The following MYH11 variants were observed in gnomAD, a reference collection of about 807,000 sequenced individuals.
The protein encoded by MYH11 is myosin-11.
A neutral mutation model predicts 246.6 loss-of-function variants in MYH11; 80 were observed. The ratio of observed to expected loss-of-function variants is 0.32; its 90% CI spans 0.27 to 0.39. The LOEUF (loss-of-function observed/expected upper bound fraction) is 0.39, where lower values mean the gene tolerates loss of function less well. Ranked by LOEUF, MYH11 falls within the 10% of genes least tolerant of loss-of-function variation. The pLI, the probability that MYH11 is intolerant of heterozygous loss-of-function variation, is 1.00. For missense variants in MYH11, 2,158 were observed against 2,546.8 expected, an observed-to-expected ratio of 0.85 and a Z score of 3.29; for synonymous variants, 1,071 against 1,015.5, an observed-to-expected ratio of 1.05 and a Z score of -1.04.
intron 20 of MYH11, among the ~76,000 whole-genome samples, chr16:15,744,545 C>T (rs901899659): frequency 1.3e-5 from 2 of 149,526 alleles, no homozygotes; most frequent in Admixed American, 6.7e-5. Flanking sequence ...CAATCTTTCA[C>T]CCAGGCTGGA....
At position 15,717,131 on chromosome 16, in the gene MYH11, C is replaced by A. The variant is rs1391739007; in HGVS notation, c.5504+9G>T. ...TGCAAACTGGGTTCGGAACTCCACA[C>A]CCGCATACCTGGCCTCCTGCTCGAC... On this transcript the variant is annotated intron_variant, in intron 38 of 40. Transcript: ENST00000300036. 6.2e-7 allele frequency: 1 copy of A among 1,614,160 alleles called. No individual in the cohort carries two copies. Among genetic ancestry groups the A allele is most frequent in the Non-Finnish European group, 8.5e-7 (1 of 1,179,984 alleles).
intron 31 of MYH11, among the ~76,000 whole-genome samples, chr16:15,722,632 T>C (rs1369695390): frequency 2.0e-5 from 3 of 152,112 alleles, no homozygotes; most frequent in Non-Finnish European, 2.9e-5. Flanking sequence ...AGGTAGCTGA[T>C]GGGAAGAGGA....
In MYH11 at chr16:15,760,433, A is replaced by G. The variant is rs1033823952; in HGVS notation, c.1248+107T>C. ...GGATGGACAGATGCAGAGGCAGACC[A>G]TGGGTGAATGGATTAATGAATACAT... On this transcript the variant is annotated intron_variant, in intron 11 of 40. Transcript: ENST00000300036. The G allele has an allele frequency of 3.3e-6, 3 of 902,160 alleles. No homozygotes were observed. The South Asian group carries it at 3.9e-5, about 12-fold the overall frequency. The allele number at this position is 902,160 out of a possible 1,614,324, so 55.9% of individuals were successfully genotyped here. A position where few individuals can be genotyped will look rare whatever the true frequency, so the allele number is the denominator to read the frequency against.
At chr16:15,743,835 G>A (rs1412242291) in intron 20 of MYH11, among the ~76,000 whole-genome samples, 1 of 152,160 alleles carries the variant, frequency 6.6e-6, no homozygotes, top group Non-Finnish European at 1.5e-5. Context: ...CCTTGCACCA[G>A]TGGATACACT....
In MYH11 at chr16:15,762,051, T is replaced by C. The variant is rs904278994; in HGVS notation, c.1130-1393A>G. 3.3e-5 allele frequency among the ~76,000 whole-genome samples: 5 copies of C among 152,386 alleles called. No homozygotes were observed. The South Asian group carries it at 1.0e-3, about 32-fold the overall frequency. On this transcript the variant is annotated intron_variant, in intron 10 of 40. Transcript: ENST00000300036. ...GTGCAGTGGCACAATCTCGGCGCAC[T>C]GCAATCTCCGCCTCCTGCGTTCAAG...
intron 2 of MYH11, among the ~76,000 whole-genome samples, chr16:15,837,627 T>C (rs1468391095): frequency 6.6e-6 from 1 of 150,474 alleles, no homozygotes; most frequent in Non-Finnish European, 1.5e-5. Flanking sequence ...CTCCACCTCC[T>C]GGATTCAAGC....
At chr16:15,743,220 G>C (rs1007715368) in intron 20 of MYH11, among the ~76,000 whole-genome samples, 1 of 152,150 alleles carries the variant, frequency 6.6e-6, no homozygotes, top group African/African-American at 2.4e-5. Flanking sequence ...CCAGGCTGGA[G>C]TGCAGTGGCA....
chr16:15,823,659 C>CT (rs1348183268), intron 2 of MYH11, among the ~76,000 whole-genome samples: 7 of 152,088 alleles, frequency 4.6e-5, no homozygotes, highest in Non-Finnish European at 4.4e-5. Flanking sequence ...GGGTCTCACT[C>CT]TGTCACCTAG....
rs201256839 is a variant in MYH11, at chr16:15,763,869, C to T, written c.1056G>A (p.Ser352=). 126 of 1,613,262 alleles carry T rather than the reference C, an allele frequency of 7.8e-5. 1 individual carries two copies. In the Admixed American group the frequency reaches 1.7e-3, roughly 21 times the overall value. Residue 352 remains serine (S), a synonymous_variant, in exon 10 of 41, where the codon TCG becomes TCA. Transcript: ENST00000300036. ...AGACGATATTTCCAAGCTGCAGGACCGATGATACCACCTTCAATATGGCTG... is the reference window on the plus strand; with the variant it reads ...AGACGATATTTCCAAGCTGCAGGACTGATGATACCACCTTCAATATGGCTG... The part of the protein sequence containing the change: ...EQLSILKVVS[S]VLQLGNIVFK...
intron 40 of MYH11, among the ~76,000 whole-genome samples, chr16:15,709,902 G>A (rs1200449814): frequency 6.6e-6 from 1 of 152,158 alleles, no homozygotes; most frequent in Non-Finnish European, 1.5e-5. Flanking sequence ...AGTGTAGCCA[G>A]TGGTAGGTAA....
chr16:15,856,109 G>T (rs1048926198), intron 1 of MYH11, among the ~76,000 whole-genome samples: 5 of 152,094 alleles, frequency 3.3e-5, no homozygotes, highest in Non-Finnish European at 7.4e-5. Context: ...GGCTCTGCGG[G>T]AAATTCTAGT....
intron 40 of MYH11, among the ~76,000 whole-genome samples, chr16:15,706,970 A>G (rs1340982368): frequency 8.5e-5 from 13 of 152,154 alleles, no homozygotes; most frequent in Non-Finnish European, 1.6e-4. Flanking sequence ...CAAGGTTGAC[A>G]CCAACTATAC....
At chr16:15,845,616 G>T (rs967199333) in intron 1 of MYH11, among the ~76,000 whole-genome samples, 1 of 152,116 alleles carries the variant, frequency 6.6e-6, no homozygotes, top group African/African-American at 2.4e-5. Context: ...GTTTAAACAG[G>T]CAGCAAAATA....
chr16:15,739,666 T>C lies in MYH11; in HGVS notation c.2997+385A>G, dbSNP rs987051331. On this transcript the variant is annotated intron_variant, in intron 23 of 40. Coordinates refer to ENST00000300036, the MANE Select transcript of MYH11 (RefSeq NM_002474.3). ...CTGGTTTTCTAAGGGCTTTTCTGCT[T>C]TGAGAACTGAAAGTCCCAAATCCCC... 2.6e-5 allele frequency among the ~76,000 whole-genome samples: 4 copies of C among 152,172 alleles called. No individual in the cohort carries two copies. In the East Asian group the frequency reaches 7.7e-4, roughly 29 times the overall value.
At chr16:15,848,884 G>A (rs748648367) in intron 1 of MYH11, among the ~76,000 whole-genome samples, 4 of 152,092 alleles carry the variant, frequency 2.6e-5, no homozygotes, top group African/African-American at 4.8e-5. Flanking sequence ...GAGACGGACC[G>A]CCAGTTGGCC....
chr16:15,758,266 G>A (rs1031822712), intron 12 of MYH11, among the ~76,000 whole-genome samples: 1 of 152,142 alleles, frequency 6.6e-6, no homozygotes, highest in African/African-American at 2.4e-5. Flanking sequence ...GACAAACCTC[G>A]TAAGGCACGC....
At chr16:15,834,910 AGTT>A (rs2043850546) in intron 2 of MYH11, among the ~76,000 whole-genome samples, 2 of 80,102 alleles carry the variant, frequency 2.5e-5, no homozygotes, top group African/African-American at 1.0e-4. Context: ...TCTCTACAGA[AGTT>A]TTTTTTTTTT....
rs1387333002 is a variant in MYH11 at position 15,763,405 on chromosome 16, G to C, written c.1129+391C>G. Reference sequence around the variant, plus strand: ...CGGGATCTTGTCTGGTCACTATTAGGGGTAGGACGTGATGACTCTTGCCTG... The same window carrying C: ...CGGGATCTTGTCTGGTCACTATTAGCGGTAGGACGTGATGACTCTTGCCTG... On this transcript the variant is annotated intron_variant, in intron 10 of 40. Coordinates refer to ENST00000300036, the MANE Select transcript of MYH11 (RefSeq NM_002474.3). Among the ~76,000 whole-genome samples the C allele has an allele frequency of 5.9e-5, 9 of 152,146 alleles. No individual in the cohort carries two copies. In the East Asian group the frequency reaches 1.7e-3, roughly 29 times the overall value.
chr16:15,813,895 C>G lies in MYH11; in HGVS notation c.502+9360G>C, dbSNP rs148877474. ...AAAGGCCGGGCGTGGTGGTTCACGC[C>G]TGTAATCCCAGCACTTTGGGAGGCT... On this transcript the variant is annotated intron_variant, in intron 3 of 40. Transcript: ENST00000300036. Among the ~76,000 whole-genome samples, 24 of 151,926 alleles carry G rather than the reference C, an allele frequency of 1.6e-4. No homozygotes were observed. In the East Asian group the frequency reaches 4.6e-3, roughly 29 times the overall value.
Sources: allele counts gnomAD v4.1 joint callset (sites outside exome capture counted in the v4.1 genomes callset), GRCh38; gene constraint gnomAD v4.1.1; transcripts MANE v1.5; gene names NCBI Gene and HGNC (gene_info 2026-07-23, HGNC 2026-07-21).